DACH2: variants seen among roughly 807,000 people sequenced by gnomAD.
DACH2 encodes the protein dachshund homolog 2.
In DACH2, 17 loss-of-function variants were observed where a neutral mutation model predicts 35.8. The ratio of observed to expected loss-of-function variants is 0.48; its 90% confidence interval spans 0.33 to 0.71. The LOEUF is 0.71. Among genes scored for constraint, DACH2 ranks in the 30% least tolerant of loss-of-function variants. The pLI is 0.02. For missense variants in DACH2, 469 were observed against 472.7 expected (o/e 0.99, Z 0.07); for synonymous variants, 195 against 177.3 (o/e 1.10, Z -0.79).
At chrX:86,172,266 A>C (rs771656277) in intron 1 of DACH2, among the ~76,000 whole-genome samples, 1 of 112,240 alleles carries the variant, frequency 8.9e-6, no homozygotes, top group African/African-American at 3.2e-5. Flanking sequence ...AAATTTCTAA[A>C]TTTTTATAAA....
intron 1 of DACH2, among the ~76,000 whole-genome samples, chrX:86,264,698 G>A (rs1409861273): frequency 9.0e-6 from 1 of 111,484 alleles, no homozygotes; most frequent in Non-Finnish European, 1.9e-5. Context: ...GTCTGTTTGT[G>A]TGAAAAGGCA....
intron 1 of DACH2, among the ~76,000 whole-genome samples, chrX:86,264,960 G>C (rs1354790824): frequency 9.0e-6 from 1 of 111,040 alleles, no homozygotes; most frequent in Non-Finnish European, 1.9e-5. Context: ...AAACCTAGGG[G>C]TAGGAGAACC....
Position 86,360,596 on chromosome X carries a change from T to C in DACH2, c.489-16228T>C, listed in dbSNP as rs140632282. 8.8e-3 allele frequency among the ~76,000 whole-genome samples: 978 copies of C among 111,534 alleles called. 4 individuals carry two copies. Among genetic ancestry groups the C allele is most frequent in the Non-Finnish European group, 0.013 (691 of 53,009 alleles). On this transcript the variant is annotated intron_variant, in intron 1 of 11. Transcript: ENST00000373125. Reference sequence around the variant, plus strand: ...TGCTTTCACCCTATCGACACATTTATGTAATTGTATATGATTCTTCCAAAG... The same window carrying C: ...TGCTTTCACCCTATCGACACATTTACGTAATTGTATATGATTCTTCCAAAG...
At chrX:86,487,713 CG>C (rs2038038262) in intron 2 of DACH2, among the ~76,000 whole-genome samples, 1 of 111,864 alleles carries the variant, frequency 8.9e-6, no homozygotes, top group Non-Finnish European at 1.9e-5. Context: ...AAAAATAATA[CG>C]GTGTTTAATT....
Position 86,651,178 on chromosome X carries a change from T to C in DACH2, c.772+11T>C. 8.3e-7 allele frequency: 1 copy of C among 1,204,309 alleles called. No individual in the cohort carries two copies. Among genetic ancestry groups the C allele is most frequent in the African/African-American group, 1.7e-5 (1 of 57,334 alleles). On this transcript the variant is annotated intron_variant, in intron 4 of 11. Transcript: ENST00000373125. ...TTAATTCTAACACAGGTGAGTGTCT[T>C]CCAGAATCCCAGACCAATGACTCTT...
chrX:86,328,430 A>G (rs1346056450), intron 1 of DACH2, among the ~76,000 whole-genome samples: 1 of 111,845 alleles, frequency 8.9e-6, no homozygotes, highest in Non-Finnish European at 1.9e-5. Context: ...AAAGTACTCA[A>G]AATTGATTTT....
chrX:86,241,604 C>T (rs767910340), intron 1 of DACH2, among the ~76,000 whole-genome samples: 1 of 112,191 alleles, frequency 8.9e-6, no homozygotes, highest in Admixed American at 9.4e-5. Flanking sequence ...GAAATTCAAG[C>T]GGGCTGCAGA....
intron 1 of DACH2, among the ~76,000 whole-genome samples, chrX:86,248,099 G>C (rs1224282055): frequency 9.0e-6 from 1 of 111,026 alleles, no homozygotes; most frequent in Non-Finnish European, 1.9e-5. Context: ...ATGGGCAAAA[G>C]CTGCAAGCAT....
At chrX:86,240,870 C>T (rs187786471) in intron 1 of DACH2, among the ~76,000 whole-genome samples, 1 of 111,166 alleles carries the variant, frequency 9.0e-6, no homozygotes, top group Non-Finnish European at 1.9e-5. Context: ...TGTCTCTCTC[C>T]TGCTATGCCA....
At chrX:86,274,698 C>T (rs1335586033) in intron 1 of DACH2, among the ~76,000 whole-genome samples, 7 of 108,403 alleles carry the variant, frequency 6.5e-5, no homozygotes, top group African/African-American at 2.0e-4. Flanking sequence ...CGGGGTTTCA[C>T]CGTGTTAGCC....
chrX:86,472,481 T>C lies in DACH2; in HGVS notation c.528-41798T>C, dbSNP rs188324361. On this transcript the variant is annotated intron_variant, in intron 2 of 11. Transcript: ENST00000373125. ...TTCTGACCCCAGAACTATAAGACAA[T>C]AAATTTGTGTTGTTGTAGTCTACTA... is the stretch of plus-strand genomic sequence containing the variant. Among the ~76,000 whole-genome samples the C allele has an allele frequency of 5.4e-5, 6 of 111,769 alleles. No individual in the cohort carries two copies. In the East Asian group the frequency reaches 1.7e-3, roughly 31 times the overall value.
At chrX:86,831,392 C>CT (rs1236140055) in intron 11 of DACH2, 1 of 111,498 alleles carries the variant, frequency 9.0e-6, no homozygotes. Flanking sequence ...TTTCCTACTT[C>CT]TTTTGTAACC....
rs772272540 is a variant in DACH2 at position 86,397,430 on chromosome X, G to A, written c.527+20568G>A. ...TGGCCAGAACTTCCAACACTATGGT[G>A]AATAGGAGTGGTGAGAGAGGGCATC... On this transcript the variant is annotated intron_variant, in intron 2 of 11. Transcript: ENST00000373125. Among the ~76,000 whole-genome samples the A allele has an allele frequency of 3.6e-5, 4 of 111,609 alleles. No homozygotes were observed. In the East Asian group the frequency reaches 1.1e-3, roughly 32 times the overall value.
At chrX:86,582,947 A>T (rs1002682852) in intron 3 of DACH2, among the ~76,000 whole-genome samples, 1 of 111,232 alleles carries the variant, frequency 9.0e-6, no homozygotes, top group Non-Finnish European at 1.9e-5. Context: ...TTATGAAAAT[A>T]GGTGCAAAAT....
intron 1 of DACH2, among the ~76,000 whole-genome samples, chrX:86,307,145 C>T (rs908613699): frequency 1.4e-4 from 16 of 111,560 alleles, no homozygotes; most frequent in Non-Finnish European, 1.7e-4. Context: ...GTTGTTGCTC[C>T]GAAGTTCAGT....
At chrX:86,814,168 G>A (rs1340714357) in intron 9 of DACH2, among the ~76,000 whole-genome samples, 1 of 111,770 alleles carries the variant, frequency 8.9e-6, no homozygotes, top group Non-Finnish European at 1.9e-5. Flanking sequence ...ACATTAAACA[G>A]ACAGATATTT....
chrX:86,568,654 G>T (rs1303101302), intron 3 of DACH2, among the ~76,000 whole-genome samples: 4 of 111,067 alleles, frequency 3.6e-5, no homozygotes, highest in African/African-American at 1.3e-4. Flanking sequence ...AAAATATAAG[G>T]TGTGAAGTGT....
chrX:86,831,254 C>G (rs1364903070), intron 11 of DACH2: 1 of 111,496 alleles, frequency 9.0e-6, no homozygotes, highest in African/African-American at 3.2e-5. Context: ...TTAGATTAGA[C>G]ATATTAGTCC....
rs182071072 is a variant in DACH2 at position 86,819,133 on chromosome X, G to A, written c.1750+3034G>A. On this transcript the variant is annotated intron_variant, in intron 11 of 11. Transcript: ENST00000373125. Reference sequence around the variant, plus strand: ...GCTTTGAATGTTGTTTGACAGAGACGATAATATGCATAGACCAAGTTTCCA... The same window carrying A: ...GCTTTGAATGTTGTTTGACAGAGACAATAATATGCATAGACCAAGTTTCCA... Among the ~76,000 whole-genome samples the A allele has an allele frequency of 1.6e-3, 175 of 108,438 alleles. 3 individuals are homozygous for A. Among genetic ancestry groups the A allele is most frequent in the Admixed American group, 0.016 (161 of 9,997 alleles). 94.2% of individuals were successfully genotyped at this position (108,438 alleles called of 115,157 possible). A position where few individuals can be genotyped will look rare whatever the true frequency, so the allele number is the denominator to read the frequency against.
Sources: allele counts gnomAD v4.1 joint callset (sites outside exome capture counted in the v4.1 genomes callset), GRCh38; gene constraint gnomAD v4.1.1; transcripts MANE v1.5; gene names NCBI Gene and HGNC (gene_info 2026-07-23, HGNC 2026-07-21).